The following NANOS3 variants were observed in gnomAD, a reference collection of about 807,000 sequenced individuals.
NANOS3 encodes the protein nanos C2HC-type zinc finger 3, also known as nanos homolog 3.
In NANOS3, 11 loss-of-function variants were observed where a neutral mutation model predicts 13.8. That is an observed-to-expected ratio of 0.80 (90% CI 0.50 to 1.32). NANOS3 has a LOEUF of 1.32. Ranked by LOEUF, NANOS3 falls within the 40% of genes most tolerant of loss-of-function variation. NANOS3 has a pLI of 0.00. For missense variants in NANOS3, 221 were observed against 263.8 expected (o/e 0.84, Z 1.12); for synonymous variants, 119 against 115.4 (o/e 1.03, Z -0.20).
At chr19:13,876,680 A>G (rs992704675), upstream of NANOS3, among the ~76,000 whole-genome samples, 2 of 142,132 alleles carry the variant, frequency 1.4e-5, no homozygotes, top group African/African-American at 5.8e-5. Flanking sequence ...AGCATCAGCA[A>G]CCTCCCGCCT....
intron 1 of NANOS3, among the ~76,000 whole-genome samples, chr19:13,868,048 T>C (rs1976268912): frequency 6.6e-6 from 1 of 151,490 alleles, no homozygotes; most frequent in Non-Finnish European, 1.5e-5. Flanking sequence ...ATATTTTTTT[T>C]TTTTTGGAGA....
At chr19:13,876,638 G>C (rs1192261840), upstream of NANOS3, among the ~76,000 whole-genome samples, 2 of 152,102 alleles carry the variant, frequency 1.3e-5, no homozygotes, top group Admixed American at 6.5e-5. Context: ...CCATGAGCCT[G>C]GGACTACCAC....
chr19:13,868,544 G>C (rs747586819), intron 1 of NANOS3, among the ~76,000 whole-genome samples: 1 of 151,806 alleles, frequency 6.6e-6, no homozygotes, highest in African/African-American at 2.4e-5. Context: ...AGCTGGGCGT[G>C]GTGGTGTGCG....
intron 1 of NANOS3, 147 bp downstream of exon 1, chr19:13,877,912 TTTA>T: frequency 7.2e-7 from 1 of 1,386,244 alleles, no homozygotes; most frequent in East Asian, 2.5e-5. Flanking sequence ...TATTTACGTA[TTTA>T]TTTATTTATC....
chr19:13,867,304 G>T (rs556860833), intron 1 of NANOS3, among the ~76,000 whole-genome samples: 1 of 151,920 alleles, frequency 6.6e-6, no homozygotes, highest in African/African-American at 2.4e-5. Flanking sequence ...GAGTGCAGTG[G>T]CACGATCTAG....
At chr19:13,876,757 A>T (rs1272428444), upstream of NANOS3, among the ~76,000 whole-genome samples, 1 of 152,124 alleles carries the variant, frequency 6.6e-6, no homozygotes, top group African/African-American at 2.4e-5. Context: ...AAGGAAGAAA[A>T]AGTTATAAAG....
upstream of NANOS3, among the ~76,000 whole-genome samples, chr19:13,874,101 G>A (rs567234307): frequency 6.6e-6 from 1 of 152,224 alleles, no homozygotes; most frequent in South Asian, 2.1e-4. Context: ...CGGGGCGAGC[G>A]GCGCCCTCTC....
intron 1 of NANOS3, among the ~76,000 whole-genome samples, chr19:13,871,304 G>C (rs2145070145): frequency 6.6e-6 from 1 of 152,290 alleles, no homozygotes; most frequent in East Asian, 1.9e-4. Context: ...CCCAGATGGA[G>C]AACAGATGTG....
chr19:13,869,146 A>G (rs998404177), intron 1 of NANOS3, among the ~76,000 whole-genome samples: 3 of 152,152 alleles, frequency 2.0e-5, no homozygotes, highest in African/African-American at 7.2e-5. Context: ...AAGCCTCAGT[A>G]GAAGTGTCTG....
upstream of NANOS3, among the ~76,000 whole-genome samples, chr19:13,862,685 C>G (rs896712109): frequency 1.3e-5 from 2 of 152,148 alleles, no homozygotes; most frequent in African/African-American, 4.8e-5. Context: ...ATTATAGGCG[C>G]GTGCCACCAC....
upstream of NANOS3, among the ~76,000 whole-genome samples, chr19:13,873,176 G>A (rs886118558): frequency 2.0e-5 from 3 of 151,970 alleles, no homozygotes; most frequent in African/African-American, 7.2e-5. Context: ...GGGTTTTAGA[G>A]GGAGTGTGTT....
chr19:13,879,483 C>A (rs1292966751), intron 1 of NANOS3, among the ~76,000 whole-genome samples: 3 of 152,170 alleles, frequency 2.0e-5, no homozygotes, highest in Admixed American at 2.0e-4. Context: ...CACCTGTAAT[C>A]CCAATACTTT....
At chr19:13,867,573 G>T (rs551591423) in intron 1 of NANOS3, among the ~76,000 whole-genome samples, 14 of 150,906 alleles carry the variant, frequency 9.3e-5, no homozygotes, top group African/African-American at 2.7e-4. Context: ...TGTTTGTTTT[G>T]TTTTTTGAGA....
chr19:13,870,058 T>G (rs1210342849), intron 1 of NANOS3, among the ~76,000 whole-genome samples: 1 of 151,858 alleles, frequency 6.6e-6, no homozygotes, highest in Non-Finnish European at 1.5e-5. Context: ...TCAACTATTT[T>G]TTTTTTTTTG....
upstream of NANOS3, among the ~76,000 whole-genome samples, chr19:13,864,010 T>G (rs1289935426): frequency 6.6e-6 from 1 of 152,008 alleles, no homozygotes; most frequent in Non-Finnish European, 1.5e-5. Context: ...CCTCTCAGAC[T>G]GGGGTGGGGG....
intron 1 of NANOS3, among the ~76,000 whole-genome samples, chr19:13,871,651 C>G (rs1371767674): frequency 2.0e-5 from 3 of 152,078 alleles, no homozygotes; most frequent in African/African-American, 7.2e-5. Context: ...TCCAACATAG[C>G]CAGAATGTCT....
chr19:13,874,791 G>T (rs1344465800), upstream of NANOS3: 3 of 533,604 alleles, frequency 5.6e-6, no homozygotes, highest in Non-Finnish European at 1.2e-5. Context: ...GGACCCTGAG[G>T]CCTGGAATTG....
chr19:13,864,646 G>T (rs1360497983), upstream of NANOS3, among the ~76,000 whole-genome samples: 1 of 152,058 alleles, frequency 6.6e-6, no homozygotes, highest in Admixed American at 6.6e-5. Context: ...GTATATCTCA[G>T]GTCTGTGGAT....
At chr19:13,876,610 C>G (rs952388941), upstream of NANOS3, among the ~76,000 whole-genome samples, 2 of 152,130 alleles carry the variant, frequency 1.3e-5, no homozygotes, top group African/African-American at 4.8e-5. Flanking sequence ...ATCCTTCCCC[C>G]CTACCCCCGC....
Sources: gnomAD v4.1 joint callset for allele counts (sites outside exome capture counted in the v4.1 genomes callset) on GRCh38, gnomAD v4.1.1 for gene constraint, MANE v1.5 for transcripts, NCBI Gene and HGNC (gene_info 2026-07-23, HGNC 2026-07-21) for gene names.